The following XKR4 variants were observed in gnomAD, a reference collection of about 807,000 sequenced individuals.
XKR4 encodes XK related 4.
A neutral mutation model predicts 53.9 loss-of-function variants in XKR4; 12 were observed. That is an observed-to-expected ratio of 0.22 (90% CI 0.14 to 0.36). The LOEUF is 0.36. Ranked by LOEUF, XKR4 falls within the 10% of genes least tolerant of loss-of-function variation. The pLI is 1.00. For missense variants in XKR4, 799 were observed against 859.5 expected, an observed-to-expected ratio of 0.93 and a Z score of 0.88; for synonymous variants, 354 against 362.4, an observed-to-expected ratio of 0.98 and a Z score of 0.26.
rs4738010 is a variant in XKR4, at chr8:55,265,282, T to C, written c.807-92396T>C. Among the ~76,000 whole-genome samples the C allele has an allele frequency of 6.9e-3, 1,045 of 152,322 alleles. 5 individuals are homozygous for C. The highest frequency in any genetic ancestry group is 0.016 in the Admixed American group (246 of 15,300). ...GGAAATAAAGACTAGGAAATATGTG[T>C]CTACAACTGCTTCAAAATGTGCATT... On this transcript the variant is annotated intron_variant, in intron 1 of 2. Coordinates refer to ENST00000327381, the MANE Select transcript of XKR4 (RefSeq NM_052898.2).
chr8:55,364,970 T>C (rs1803955090), intron 2 of XKR4, among the ~76,000 whole-genome samples: 1 of 152,232 alleles, frequency 6.6e-6, no homozygotes, highest in African/African-American at 2.4e-5. Flanking sequence ...TTACATAATT[T>C]AGTTAGGTTA....
At chr8:55,257,835 A>G (rs1818462262) in intron 1 of XKR4, among the ~76,000 whole-genome samples, 1 of 152,184 alleles carries the variant, frequency 6.6e-6, no homozygotes. Flanking sequence ...AGCCCCTCCA[A>G]CATCTAAAAT....
chr8:55,360,157 C>T (rs771411831), intron 2 of XKR4, among the ~76,000 whole-genome samples: 1 of 152,130 alleles, frequency 6.6e-6, no homozygotes, highest in Non-Finnish European at 1.5e-5. Context: ...GATCTTATTG[C>T]TACTGATTTT....
intron 1 of XKR4, among the ~76,000 whole-genome samples, chr8:55,306,302 A>T (rs1240915963): frequency 6.6e-6 from 1 of 152,222 alleles, no homozygotes. Context: ...TCCAGCTTTC[A>T]AGTACAGAGA....
Position 55,281,002 on chromosome 8 carries a change from C to T in XKR4, c.807-76676C>T, listed in dbSNP as rs78130109. Among the ~76,000 whole-genome samples the T allele has an allele frequency of 2.7e-4, 41 of 152,226 alleles. 1 individual carries two copies. The East Asian group carries it at 6.8e-3, about 25-fold the overall frequency. On this transcript the variant is annotated intron_variant, in intron 1 of 2. Transcript: ENST00000327381. ...AGTTTTGTTAAAATGTACTATACAA[C>T]GAACTACTTGTTCTACCAAGTTCTT...
intron 2 of XKR4, among the ~76,000 whole-genome samples, chr8:55,383,657 T>C (rs1415736514): frequency 6.6e-6 from 1 of 152,204 alleles, no homozygotes; most frequent in Admixed American, 6.5e-5. Context: ...ATTAGAACAG[T>C]GTTCTAATTG....
At chr8:55,434,410 C>CGT (rs10598891) in intron 2 of XKR4, among the ~76,000 whole-genome samples, 36,681 of 148,052 alleles carry the variant, frequency 0.25, 4,986 homozygotes, top group African/African-American at 0.41. Context: ...TGATACCAAT[C>CGT]GTGTGTGTGT....
At chr8:55,448,859 C>T (rs1805381348) in intron 2 of XKR4, among the ~76,000 whole-genome samples, 1 of 152,016 alleles carries the variant, frequency 6.6e-6, no homozygotes, top group Non-Finnish European at 1.5e-5. Flanking sequence ...GCCATGTATA[C>T]AAATAAAGAA....
At chr8:55,144,867 T>C (rs1816750800) in intron 1 of XKR4, among the ~76,000 whole-genome samples, 1 of 104,824 alleles carries the variant, frequency 9.5e-6, no homozygotes, top group Non-Finnish European at 2.2e-5. Flanking sequence ...AATTTCCCAT[T>C]GTCACCCAGG....
intron 1 of XKR4, among the ~76,000 whole-genome samples, chr8:55,123,174 AG>A (rs1441681595): frequency 5.9e-5 from 9 of 152,216 alleles, no homozygotes; most frequent in Non-Finnish European, 1.3e-4. Context: ...ATTTGCTCAC[AG>A]TAGTATCCCC....
rs974679198 is a variant in XKR4 at position 55,157,887 on chromosome 8, T to C, written c.806+54593T>C. On this transcript the variant is annotated intron_variant, in intron 1 of 2. Transcript: ENST00000327381. ...TTTTTTATGGCTGTGTAGTATTCCA[T>C]GGTGTCTATGTACATTTTCTTTATC... Among the ~76,000 whole-genome samples, 8 of 152,240 alleles carry C rather than the reference T, an allele frequency of 5.3e-5. No individual in the cohort carries two copies. In the East Asian group the frequency reaches 1.5e-3, roughly 29 times the overall value.
chr8:55,248,119 T>A (rs911713277), intron 1 of XKR4, among the ~76,000 whole-genome samples: 2 of 152,062 alleles, frequency 1.3e-5, no homozygotes, highest in African/African-American at 4.8e-5. Flanking sequence ...CCTCCCAAAG[T>A]GCTGGGATTA....
chr8:55,395,300 C>T (rs748759837), intron 2 of XKR4, among the ~76,000 whole-genome samples: 1 of 151,884 alleles, frequency 6.6e-6, no homozygotes, highest in African/African-American at 2.4e-5. Context: ...TTGATTGGAT[C>T]GGGGCTCACG....
intron 2 of XKR4, among the ~76,000 whole-genome samples, chr8:55,509,596 T>C (rs1806593118): frequency 6.6e-6 from 1 of 152,210 alleles, no homozygotes; most frequent in Admixed American, 6.5e-5. Context: ...TCTATAATCA[T>C]CCATGACAAA....
At chr8:55,237,304 G>T (rs1023089746) in intron 1 of XKR4, among the ~76,000 whole-genome samples, 17 of 152,176 alleles carry the variant, frequency 1.1e-4, no homozygotes. Context: ...AACTTAAATA[G>T]CTTACTGTTG....
At position 55,490,631 on chromosome 8, in the gene XKR4, G is replaced by A. The variant is rs562116632; in HGVS notation, c.1007-32650G>A. ...AAATATAAAATTAAAAATAAAAGAC[G>A]CTGTTTCATTGTCTCCTGGCTTGCA... On this transcript the variant is annotated intron_variant, in intron 2 of 2. Coordinates refer to ENST00000327381, the MANE Select transcript of XKR4 (RefSeq NM_052898.2). Among the ~76,000 whole-genome samples, 24 of 152,220 alleles carry A rather than the reference G, an allele frequency of 1.6e-4. No homozygotes were observed. In the South Asian group the frequency reaches 2.7e-3, roughly 17 times the overall value.
chr8:55,233,569 C>T (rs896359757), intron 1 of XKR4, among the ~76,000 whole-genome samples: 8 of 152,240 alleles, frequency 5.3e-5, no homozygotes, highest in Admixed American at 3.9e-4. Context: ...CATGTCTTAT[C>T]ACATGGCCAG....
Position 55,122,431 on chromosome 8 carries a change from A to G in XKR4, c.806+19137A>G, listed in dbSNP as rs549974085. Among the ~76,000 whole-genome samples the G allele has an allele frequency of 1.1e-4, 17 of 152,346 alleles. No individual in the cohort carries two copies. In the South Asian group the frequency reaches 3.1e-3, roughly 28 times the overall value. On this transcript the variant is annotated intron_variant, in intron 1 of 2. Transcript: ENST00000327381. ...TATGACTATTTTAATAAGGCTGAGA[A>G]TGACACTAAAACCTTATTAAATTAA...
In XKR4 at chr8:55,141,671, C is replaced by CTCTG. The variant is rs748708972; in HGVS notation, c.806+38378_806+38379insCTGT. 1.3e-3 allele frequency among the ~76,000 whole-genome samples: 177 copies of CTCTG among 135,288 alleles called. 2 individuals are homozygous for CTCTG. Among genetic ancestry groups the CTCTG allele is most frequent in the Admixed American group, 3.1e-3 (40 of 13,100 alleles). The allele number at this position is 135,288 out of a possible 152,430, so 88.8% of individuals were successfully genotyped here. A position where few individuals can be genotyped will look rare whatever the true frequency, so the allele number is the denominator to read the frequency against. ...TCTCTCTCTCTCTCTCTCTCTCTCT[C>CTCTG]TGTGTGTGTGTGTGTGTGTCTCTCT... is the stretch of plus-strand genomic sequence containing the variant. On this transcript the variant is annotated intron_variant, in intron 1 of 2. Coordinates refer to ENST00000327381, the MANE Select transcript of XKR4 (RefSeq NM_052898.2).
Sources: allele counts gnomAD v4.1 joint callset (sites outside exome capture counted in the v4.1 genomes callset), GRCh38; gene constraint gnomAD v4.1.1; transcripts MANE v1.5; gene names NCBI Gene and HGNC (gene_info 2026-07-23, HGNC 2026-07-21).